The following PACS2 variants were observed in gnomAD, a reference collection of about 807,000 sequenced individuals.
PACS2 encodes the protein phosphofurin acidic cluster sorting protein 2, also known as PACS1-like protein.
In PACS2, 36 loss-of-function variants were observed where a neutral mutation model predicts 113.0. That is an observed-to-expected ratio of 0.32 (90% confidence interval 0.24 to 0.42). The LOEUF (loss-of-function observed/expected upper bound fraction) is 0.42. Among genes scored for constraint, PACS2 ranks in the 10% least tolerant of loss-of-function variants. The pLI, the probability that PACS2 is intolerant of heterozygous loss-of-function variation, is 1.00. For missense variants in PACS2, 1,015 were observed against 1,239.5 expected, an observed-to-expected ratio of 0.82 and a Z score of 2.72; for synonymous variants, 589 against 536.1, an observed-to-expected ratio of 1.10 and a Z score of -1.36.
intron 1 of PACS2, among the ~76,000 whole-genome samples, chr14:105,341,116 G>A (rs1403001643): frequency 2.0e-5 from 3 of 152,270 alleles, no homozygotes; most frequent in Admixed American, 2.0e-4. Context: ...CACACAGTGC[G>A]TTTCTGTGGT....
At chr14:105,392,262 C>T in intron 22 of PACS2, 1 of 380,028 alleles carries the variant, frequency 2.6e-6, no homozygotes, top group Non-Finnish European at 4.9e-6. Context: ...CAGCAGATAC[C>T]CCCCCGACCC....
chr14:105,392,521 G>T, intron 22 of PACS2, 98 bp from the exon 23 acceptor site: 3 of 1,086,678 alleles, frequency 2.8e-6, no homozygotes, highest in Non-Finnish European at 4.0e-6. Context: ...GTTGGCACAG[G>T]TGCTGGCTGT....
chr14:105,314,210 G>A (rs1240386128), upstream of PACS2, among the ~76,000 whole-genome samples: 1 of 152,082 alleles, frequency 6.6e-6, no homozygotes, highest in Non-Finnish European at 1.5e-5. Context: ...TCGGGGACGG[G>A]CGGGGCCCGC....
At chr14:105,383,603 TGTGTG>T in intron 16 of PACS2, 90 bp downstream of exon 16, 1 of 1,315,088 alleles carries the variant, frequency 7.6e-7, no homozygotes, top group Non-Finnish European at 1.0e-6. Flanking sequence ...CGTGGCGTGT[TGTGTG>T]GCGTGGCGTG....
At chr14:105,359,479 T>C (rs2060587207) in intron 4 of PACS2, among the ~76,000 whole-genome samples, 3 of 150,636 alleles carry the variant, frequency 2.0e-5, no homozygotes. Flanking sequence ...AACTAATTTT[T>C]TTATTTTTAG....
At chr14:105,382,314 C>G (rs1203669501) in intron 13 of PACS2, among the ~76,000 whole-genome samples, 163 bp from the exon 14 acceptor site, 6 of 152,208 alleles carry the variant, frequency 3.9e-5, no homozygotes, top group African/African-American at 1.4e-4. Context: ...CATTGCTTGG[C>G]TGATTTAGCC....
intron 2 of PACS2, among the ~76,000 whole-genome samples, chr14:105,349,533 C>T (rs1595655165): frequency 6.6e-6 from 1 of 152,254 alleles, no homozygotes; most frequent in African/African-American, 2.4e-5. Context: ...CGGGTCTCCC[C>T]GACCTGCAGA....
intron 1 of PACS2, among the ~76,000 whole-genome samples, chr14:105,304,823 T>C (rs1814723029): frequency 1.3e-5 from 2 of 152,214 alleles, no homozygotes; most frequent in African/African-American, 2.4e-5. Context: ...GGAAACTCCC[T>C]CTTATAAAAC....
chr14:105,319,485 G>A (rs932725942), intron 1 of PACS2, among the ~76,000 whole-genome samples: 4 of 152,206 alleles, frequency 2.6e-5, no homozygotes, highest in Admixed American at 1.3e-4. Flanking sequence ...CATAGTAAAA[G>A]TCAGCTTTTT....
At chr14:105,314,090 C>G (rs934256964), upstream of PACS2, among the ~76,000 whole-genome samples, 1 of 152,258 alleles carries the variant, frequency 6.6e-6, no homozygotes, top group African/African-American at 2.4e-5. Context: ...GCTCGGCAGC[C>G]TGGCGCCCCG....
At position 105,330,694 on chromosome 14, in the gene PACS2, C is replaced by G. The variant is rs587682245; in HGVS notation, c.119+15657C>G. Among the ~76,000 whole-genome samples, 12 of 152,380 alleles carry G rather than the reference C, an allele frequency of 7.9e-5. No homozygotes were observed. Among genetic ancestry groups the G allele is most frequent in the African/African-American group, 2.2e-4 (9 of 41,592 alleles). On this transcript the variant is annotated intron_variant, in intron 1 of 24. Coordinates refer to ENST00000447393, the MANE Select transcript of PACS2 (RefSeq NM_001100913.3). This position sits in a 1 kb window ranked among gnomAD's most constrained non-coding sequence, Gnocchi z 6.9. ...ATCCTGGGGCCCCACCCAACACCCA[C>G]GCATTTCCTGTCTTTTCTCAGGCAA... is the stretch of plus-strand genomic sequence containing the variant.
chr14:105,373,259 A>G (rs2061225333), intron 8 of PACS2, among the ~76,000 whole-genome samples: 1 of 152,252 alleles, frequency 6.6e-6, no homozygotes, highest in African/African-American at 2.4e-5. Flanking sequence ...CCAGAGACTC[A>G]GGGCAGACAG....
At position 105,356,661 on chromosome 14, in the gene PACS2, A is replaced by G. The variant is rs936052471; in HGVS notation, c.423+1484A>G. ...ATGCAGGCTCTGTTTCCCATTAGCC[A>G]TGCAGGCGAGGTCCTGCTGATCCCT... On this transcript the variant is annotated intron_variant, in intron 4 of 24. Coordinates refer to ENST00000447393, the MANE Select transcript of PACS2 (RefSeq NM_001100913.3). This position sits in a 1 kb window ranked among gnomAD's most constrained non-coding sequence, Gnocchi z 4.0. 1.3e-5 allele frequency among the ~76,000 whole-genome samples: 2 copies of G among 151,952 alleles called. No homozygotes were observed. Among genetic ancestry groups the G allele is most frequent in the Non-Finnish European group, 2.9e-5 (2 of 67,986 alleles).
intron 8 of PACS2, 61 bp downstream of exon 8, chr14:105,369,961 G>C: frequency 7.0e-7 from 1 of 1,430,846 alleles, no homozygotes; most frequent in Non-Finnish European, 9.6e-7. Flanking sequence ...TGGTCGGGAG[G>C]AGGCCTCTGG....
chr14:105,382,479 C>A lies in PACS2; in HGVS notation c.1416C>A (p.Ile472=). The A allele has an allele frequency of 6.3e-7, 1 of 1,591,644 alleles. No homozygotes were observed. Among genetic ancestry groups the A allele is most frequent in the South Asian group, 1.1e-5 (1 of 90,630 alleles). The part of the protein sequence containing the change: ...ARSQLQVQLQ[I]PRKTVYDQLN... Reference sequence around the variant, plus strand: ...TGGACAGGGCTCTGTGCCTCCAGATCCCCAGGAAGACTGTGTATGACCAGC... The same window carrying A: ...TGGACAGGGCTCTGTGCCTCCAGATACCCAGGAAGACTGTGTATGACCAGC... The change falls in exon 14 of 25, where the codon ATC becomes ATA. Residue 472 remains isoleucine (I), a splice_region_variant and synonymous_variant. Transcript: ENST00000447393.
At chr14:105,311,203 T>G (rs1792163727), upstream of PACS2, among the ~76,000 whole-genome samples, 1 of 152,104 alleles carries the variant, frequency 6.6e-6, no homozygotes, top group Non-Finnish European at 1.5e-5. Context: ...ATCCACCCAC[T>G]TCGGCCTCCC....
chr14:105,369,456 G>T (rs2061070157), intron 7 of PACS2, among the ~76,000 whole-genome samples: 1 of 152,200 alleles, frequency 6.6e-6, no homozygotes, highest in Admixed American at 6.5e-5. Context: ...GGCTCTTGGA[G>T]CACGCCCCAC....
At chr14:105,334,985 C>T (rs1006826100) in intron 1 of PACS2, among the ~76,000 whole-genome samples, 2 of 152,256 alleles carry the variant, frequency 1.3e-5, no homozygotes, top group Non-Finnish European at 2.9e-5. Context: ...ACACCTGTGC[C>T]TGGGACTGTT....
intron 1 of PACS2, among the ~76,000 whole-genome samples, chr14:105,320,789 G>C (rs1008718248): frequency 6.6e-6 from 1 of 152,206 alleles, no homozygotes; most frequent in African/African-American, 2.4e-5. Context: ...CTCTTTTGCT[G>C]TATCGTGGTA....
Sources: allele counts gnomAD v4.1 joint callset (sites outside exome capture counted in the v4.1 genomes callset), GRCh38; gene constraint gnomAD v4.1.1; non-coding constraint Gnocchi (gnomAD v3.1); transcripts MANE v1.5; gene names NCBI Gene and HGNC (gene_info 2026-07-23, HGNC 2026-07-21).